The following DENND2B variants were observed in gnomAD, a reference collection of about 807,000 sequenced individuals.
The protein encoded by DENND2B is DENN domain containing 2B.
DENND2B carries 32 observed loss-of-function variants against 116.0 expected under a neutral mutation model. The ratio of observed to expected loss-of-function variants is 0.28; its 90% CI spans 0.21 to 0.37. The LOEUF is 0.37. DENND2B is among the 10% of genes least tolerant of loss of function. DENND2B has a pLI of 1.00. For missense variants in DENND2B, 1,276 were observed against 1,477.7 expected, an observed-to-expected ratio of 0.86 and a Z score of 2.24; for synonymous variants, 588 against 583.9, an observed-to-expected ratio of 1.01 and a Z score of -0.10.
In DENND2B at chr11:8,711,696, C is replaced by A. The variant is rs183979791; in HGVS notation, c.2173-465G>T. Among the ~76,000 whole-genome samples the A allele has an allele frequency of 8.3e-4, 127 of 152,166 alleles. 1 individual carries two copies. The highest frequency in any genetic ancestry group is 4.5e-3 in the Admixed American group (69 of 15,290). On this transcript the variant is annotated intron_variant, in intron 9 of 19. Coordinates refer to ENST00000313726, the MANE Select transcript of DENND2B (RefSeq NM_213618.2). ...CAGCCTGACCAACATGGAGAAACCC[C>A]ATCGCTACTAAAAATACAAAATTAG... is the stretch of plus-strand genomic sequence containing the variant.
At chr11:8,822,595 A>G (rs1432991641) in intron 4 of DENND2B, among the ~76,000 whole-genome samples, 1 of 152,236 alleles carries the variant, frequency 6.6e-6, no homozygotes, top group African/African-American at 2.4e-5. Context: ...ACTGTCAGTC[A>G]ACTGGATACT....
chr11:8,831,986 G>C (rs926074065), intron 4 of DENND2B: 6 of 152,110 alleles, frequency 3.9e-5, no homozygotes, highest in Admixed American at 6.5e-5. Flanking sequence ...CCAAGAGGCA[G>C]ATTCTCTCAT....
intron 5 of DENND2B, 87 bp from the exon 6 acceptor site, chr11:8,715,905 A>G: frequency 7.8e-7 from 1 of 1,279,110 alleles, no homozygotes; most frequent in Non-Finnish European, 1.1e-6. Flanking sequence ...CACAGAGGCC[A>G]AGGGCCGGCA....
chr11:8,851,760 G>T (rs1324786221), intron 3 of DENND2B, among the ~76,000 whole-genome samples: 2 of 152,164 alleles, frequency 1.3e-5, no homozygotes, highest in East Asian at 3.8e-4. Flanking sequence ...GGAGATTAAA[G>T]TAGATCAAAT....
chr11:8,768,455 C>T (rs901326479), intron 1 of DENND2B, among the ~76,000 whole-genome samples: 1 of 151,944 alleles, frequency 6.6e-6, no homozygotes, highest in South Asian at 2.1e-4. Context: ...TGCTATTTTG[C>T]CCAGGCTGGT....
upstream of DENND2B, among the ~76,000 whole-genome samples, chr11:8,811,998 C>T (rs535178090): frequency 6.6e-6 from 1 of 152,300 alleles, no homozygotes; most frequent in South Asian, 2.1e-4. Flanking sequence ...CTCAGCCTCT[C>T]AAAGTGCTGG....
intron 1 of DENND2B, among the ~76,000 whole-genome samples, chr11:8,804,243 C>T (rs2060621858): frequency 6.6e-6 from 1 of 152,210 alleles, no homozygotes; most frequent in Non-Finnish European, 1.5e-5. Context: ...TAGGCCAGGT[C>T]TGAAAGGGCA....
At chr11:8,869,485 A>G (rs2063700373) in intron 2 of DENND2B, among the ~76,000 whole-genome samples, 2 of 152,072 alleles carry the variant, frequency 1.3e-5, no homozygotes, top group African/African-American at 4.8e-5. Flanking sequence ...CAACATGGGG[A>G]ACCCCATCTC....
chr11:8,730,230 T>C lies in DENND2B; in HGVS notation c.1060A>G (p.Arg354Gly), dbSNP rs1368163124. The change falls in exon 3 of 20, where the codon AGG becomes GGG. Residue 354 changes from arginine (R) to glycine (G), a missense_variant. Transcript: ENST00000313726. The surrounding 1 kb of genome is among the most constrained non-coding windows in gnomAD (Gnocchi z 4.1). ...VAGEAGPPPE[R>G]EGSGSTKPGT... ...GGCTTAGTGGAACCACTGCCTTCCC[T>C]CTCTGGGGGTGGGCCCGCCTCCCCC... The C allele has an allele frequency of 6.2e-7, 1 of 1,612,492 alleles. No homozygotes were observed. The highest frequency in any genetic ancestry group is 1.1e-5 in the South Asian group (1 of 90,968).
chr11:8,882,702 T>C (rs1203437503), intron 1 of DENND2B, among the ~76,000 whole-genome samples: 3 of 152,218 alleles, frequency 2.0e-5, no homozygotes, highest in Admixed American at 2.0e-4. Flanking sequence ...GATTATCATT[T>C]TTTGGTTGGG....
At chr11:8,868,352 CT>C (rs2063658585) in intron 2 of DENND2B, among the ~76,000 whole-genome samples, 1 of 152,220 alleles carries the variant, frequency 6.6e-6, no homozygotes, top group African/African-American at 2.4e-5. Flanking sequence ...AAAATCACTG[CT>C]TTACCCATAG....
intron 3 of DENND2B, among the ~76,000 whole-genome samples, chr11:8,845,949 CG>C (rs1428259995): frequency 6.6e-6 from 1 of 152,144 alleles, no homozygotes; most frequent in African/African-American, 2.4e-5. Flanking sequence ...CAAAAATACA[CG>C]GTTTCTCTTC....
chr11:8,781,781 A>G (rs1451731044), intron 1 of DENND2B, among the ~76,000 whole-genome samples: 1 of 152,198 alleles, frequency 6.6e-6, no homozygotes, highest in African/African-American at 2.4e-5. Flanking sequence ...CGAAAACCCA[A>G]CTGAAAAATA....
At chr11:8,910,709 A>AGTGTGTGT (rs56115841) in intron 1 of DENND2B, 26,228 of 69,072 alleles carry the variant, frequency 0.38, 7,334 homozygotes, top group Admixed American at 0.49. Flanking sequence ...ACTCCTGGCT[A>AGTGTGTGT]GTGTGTGTGT....
At chr11:8,716,106 G>A (rs2044712227) in intron 5 of DENND2B, among the ~76,000 whole-genome samples, 1 of 152,230 alleles carries the variant, frequency 6.6e-6, no homozygotes, top group Non-Finnish European at 1.5e-5. Flanking sequence ...AAGACTAAGT[G>A]GGAATTTTGC....
intron 4 of DENND2B, among the ~76,000 whole-genome samples, chr11:8,834,448 AG>A (rs2134593528): frequency 6.6e-6 from 1 of 152,386 alleles, no homozygotes; most frequent in South Asian, 2.1e-4. Flanking sequence ...GTAAGTTTAA[AG>A]AATGCGATCC....
At chr11:8,703,826 G>A (rs889151229) in intron 13 of DENND2B, among the ~76,000 whole-genome samples, 5 of 152,136 alleles carry the variant, frequency 3.3e-5, no homozygotes, top group African/African-American at 4.8e-5. Flanking sequence ...TGTCTCTCCC[G>A]CCTGATGGTG....
chr11:8,824,324 T>C (rs2134556752), intron 4 of DENND2B, among the ~76,000 whole-genome samples: 1 of 152,250 alleles, frequency 6.6e-6, no homozygotes. Context: ...TACTCATTAG[T>C]ATTTTTCCTG....
At chr11:8,794,439 G>A (rs1412234692) in intron 1 of DENND2B, among the ~76,000 whole-genome samples, 1 of 152,212 alleles carries the variant, frequency 6.6e-6, no homozygotes, top group African/African-American at 2.4e-5. Flanking sequence ...GGAGCCCCAG[G>A]TGGGTTGTCT....
Sources: allele counts gnomAD v4.1 joint callset (sites outside exome capture counted in the v4.1 genomes callset), GRCh38; gene constraint gnomAD v4.1.1; non-coding constraint Gnocchi (gnomAD v3.1); transcripts MANE v1.5; gene names NCBI Gene and HGNC (gene_info 2026-07-23, HGNC 2026-07-21).